Variants in CABP1 observed in about 807,000 individuals in gnomAD.
The protein encoded by CABP1 is calcium-binding protein 1.
CABP1 carries 17 observed loss-of-function variants against 34.3 expected under a neutral mutation model. The observed-to-expected ratio is 0.50, with a 90% CI of 0.34 to 0.74. The LOEUF is 0.74. CABP1 is among the 30% of genes least tolerant of loss of function. CABP1 has a pLI of 0.01. For missense variants in CABP1, 373 were observed against 511.1 expected (o/e 0.73, Z 2.61); for synonymous variants, 198 against 229.2 (o/e 0.86, Z 1.23).
At chr12:120,677,991 C>T in the CABP1 span, among the ~76,000 whole-genome samples, 1 of 152,208 alleles carries the variant, frequency 6.6e-6, no homozygotes, top group Non-Finnish European at 1.5e-5. Flanking sequence ...GTTCGAGTTG[C>T]ACCCTGGGGG....
chr12:120,641,353 C>G lies in CABP1; in HGVS notation c.654+14C>G. The G allele has an allele frequency of 7.9e-7, 1 of 1,267,696 alleles. No homozygotes were observed. The highest frequency in any genetic ancestry group is 9.9e-7 in the Non-Finnish European group (1 of 1,006,312). 78.5% of individuals were successfully genotyped at this position (1,267,696 alleles called of 1,614,324 possible). On this transcript the variant is annotated intron_variant, in intron 1 of 5. Coordinates refer to ENST00000316803, the MANE Select transcript of CABP1 (RefSeq NM_001033677.2). This position sits in a 1 kb window ranked among gnomAD's most constrained non-coding sequence, Gnocchi z 6.7. ...GCCTTTGGCCAGGTAAGGGCCGCGCCTCCCGTCAGCGCTCCCGGGAAAGGC... is the reference window on the plus strand; with the variant it reads ...GCCTTTGGCCAGGTAAGGGCCGCGCGTCCCGTCAGCGCTCCCGGGAAAGGC...
Position 120,640,891 on chromosome 12 carries a change from C to A in CABP1, c.206C>A (p.Thr69Lys). 9.2e-7 allele frequency: 1 copy of A among 1,092,314 alleles called. No homozygotes were observed. The allele number at this position is 1,092,314 out of a possible 1,614,324, so 67.7% of individuals were successfully genotyped here. ...SSHIAKSESK[T>K]SLLKAAAAAA... ...CACATCGCCAAAAGCGAGTCCAAGA[C>A]GTCGCTGCTGAAGGCGGCGGCGGCG... Residue 69 changes from threonine to lysine, a missense_variant, in exon 1 of 6, where the codon ACG becomes AAG. Thr to Lys is a moderately conservative substitution (Grantham distance 78). This residue lies in a region of CABP1 where 134 missense variants were observed against 145.4 expected (regional missense o/e 0.92). Coordinates refer to ENST00000316803, the MANE Select transcript of CABP1 (RefSeq NM_001033677.2). The surrounding 1 kb of genome is among the most constrained non-coding windows in gnomAD (Gnocchi z 6.2).
intron 1 of CABP1, among the ~76,000 whole-genome samples, chr12:120,657,296 G>A (rs895673570): frequency 2.0e-5 from 3 of 152,186 alleles, no homozygotes; most frequent in Non-Finnish European, 4.4e-5. Context: ...TGTTATAGAG[G>A]TAAACATTTG....
At chr12:120,677,616 A>C in the CABP1 span, among the ~76,000 whole-genome samples, 1 of 151,950 alleles carries the variant, frequency 6.6e-6, no homozygotes, top group East Asian at 1.9e-4. Context: ...GATGTTGCCC[A>C]GGCTAGTATT....
intron 1 of CABP1, chr12:120,650,830 A>C: frequency 1.3e-6 from 1 of 782,242 alleles, no homozygotes; most frequent in Non-Finnish European, 2.1e-6. Flanking sequence ...TCTACCCCAA[A>C]CACCCTCCTA....
chr12:120,641,504 C>G lies in CABP1; in HGVS notation c.654+165C>G, dbSNP rs1458271347. On this transcript the variant is annotated intron_variant, in intron 1 of 5. Coordinates refer to ENST00000316803, the MANE Select transcript of CABP1 (RefSeq NM_001033677.2). This position sits in a 1 kb window ranked among gnomAD's most constrained non-coding sequence, Gnocchi z 6.7. ...CGGCGCCCTTGCCGGCACTCCTCCT[C>G]CCCGTGCCTGATTCAGCACCCCGTG... 1.4e-6 allele frequency: 1 copy of G among 692,544 alleles called. No individual in the cohort carries two copies. The highest frequency in any genetic ancestry group is 2.0e-6 in the Non-Finnish European group (1 of 496,410). The allele number at this position is 692,544 out of a possible 1,614,324, so 42.9% of individuals were successfully genotyped here.
intron 1 of CABP1, among the ~76,000 whole-genome samples, chr12:120,642,044 C>A (rs1033275533): frequency 3.3e-5 from 5 of 152,108 alleles, no homozygotes; most frequent in Admixed American, 6.5e-5. Flanking sequence ...GAGTCCCAGG[C>A]ACCTGGGAGC....
rs1038946055 is a variant in CABP1 at position 120,641,844 on chromosome 12, A to T, written c.654+505A>T. On this transcript the variant is annotated intron_variant, in intron 1 of 5. Transcript: ENST00000316803. This position sits in a 1 kb window ranked among gnomAD's most constrained non-coding sequence, Gnocchi z 6.7. Reference sequence around the variant, plus strand: ...CTATCATGTCCCTGAAGGCCTGAGAAAAGTTAGGAGATCCAAAAATATGAG... The same window carrying T: ...CTATCATGTCCCTGAAGGCCTGAGATAAGTTAGGAGATCCAAAAATATGAG... Among the ~76,000 whole-genome samples the T allele has an allele frequency of 6.6e-6, 1 of 152,216 alleles. No homozygotes were observed. The highest frequency in any genetic ancestry group is 2.4e-5 in the African/African-American group (1 of 41,454).
chr12:120,672,255 C>T (rs999111866), downstream of CABP1, among the ~76,000 whole-genome samples: 1 of 152,152 alleles, frequency 6.6e-6, no homozygotes, highest in Non-Finnish European at 1.5e-5. Flanking sequence ...AGGAGGACAT[C>T]AGTTTTTGAC....
At chr12:120,668,509 A>G (rs1387901026), downstream of CABP1, among the ~76,000 whole-genome samples, 4 of 152,164 alleles carry the variant, frequency 2.6e-5, no homozygotes, top group African/African-American at 9.7e-5. Context: ...AGTGGGAGGA[A>G]GATGTGTAGC....
intron 1 of CABP1, among the ~76,000 whole-genome samples, chr12:120,653,821 C>A (rs779994172): frequency 2.6e-5 from 4 of 152,268 alleles, no homozygotes; most frequent in Non-Finnish European, 5.9e-5. Context: ...GCATGAGCCA[C>A]CACGCCCGGC....
chr12:120,654,974 AGGAAAAGGAGAACTGGT>A (rs904297654), intron 1 of CABP1, among the ~76,000 whole-genome samples: 12 of 152,256 alleles, frequency 7.9e-5, no homozygotes, highest in African/African-American at 2.9e-4. Context: ...GGCGGGAGGG[AGGAAAAGGAGAACTGGT>A]GGATGGCAGA....
the CABP1 span, among the ~76,000 whole-genome samples, chr12:120,673,910 G>C: frequency 6.6e-6 from 1 of 152,234 alleles, no homozygotes. Flanking sequence ...TGCCTGGTGT[G>C]GTGGCTCATG....
At position 120,661,410 on chromosome 12, in the gene CABP1, C is replaced by T; in HGVS notation, c.1087+192C>T. The T allele has an allele frequency of 1.7e-6, 1 of 587,666 alleles. No individual in the cohort carries two copies. Among genetic ancestry groups the T allele is most frequent in the Non-Finnish European group, 3.0e-6 (1 of 335,620 alleles). 36.4% of individuals were successfully genotyped at this position (587,666 alleles called of 1,614,324 possible). On this transcript the variant is annotated intron_variant, in intron 5 of 5. Coordinates refer to ENST00000316803, the MANE Select transcript of CABP1 (RefSeq NM_001033677.2). The surrounding 1 kb of genome is among the most constrained non-coding windows in gnomAD (Gnocchi z 5.1). ...TCCCTTCCCCATGCATCTATTCATGCATCTGTCCATCCATCTATCCATCCT... is the reference window on the plus strand; with the variant it reads ...TCCCTTCCCCATGCATCTATTCATGTATCTGTCCATCCATCTATCCATCCT...
chr12:120,661,294 C>T lies in CABP1; in HGVS notation c.1087+76C>T. ...TGGAGCCCTCCAATTGTGTATCCAT[C>T]ATGCAACCATCAATCCGCCCTAATT... On this transcript the variant is annotated intron_variant, in intron 5 of 5. Coordinates refer to ENST00000316803, the MANE Select transcript of CABP1 (RefSeq NM_001033677.2). The surrounding 1 kb of genome is among the most constrained non-coding windows in gnomAD (Gnocchi z 5.1). 6.6e-6 allele frequency: 10 copies of T among 1,514,118 alleles called. No homozygotes were observed. The highest frequency in any genetic ancestry group is 8.9e-6 in the Non-Finnish European group (10 of 1,125,002). 93.8% of individuals were successfully genotyped at this position (1,514,118 alleles called of 1,614,324 possible). A position where few individuals can be genotyped will look rare whatever the true frequency, so the allele number is the denominator to read the frequency against.
chr12:120,668,565 G>A (rs1307398964), downstream of CABP1, among the ~76,000 whole-genome samples: 4 of 152,204 alleles, frequency 2.6e-5, no homozygotes, highest in Non-Finnish European at 5.9e-5. Flanking sequence ...GGCCAGTCGC[G>A]TCCCCTTTCT....
At position 120,666,985 on chromosome 12, in the gene CABP1, C is replaced by A; in HGVS notation, c.*85C>A. ...AGCTTGCCTCACCCGCTGTAGCCGC[C>A]GAGAGCCCAGGATGTACTGGCGGAT... On this transcript the variant is annotated 3_prime_UTR_variant, in exon 6 of 6. Transcript: ENST00000316803. 1.3e-6 allele frequency: 2 copies of A among 1,507,342 alleles called. No homozygotes were observed. Among genetic ancestry groups the A allele is most frequent in the Non-Finnish European group, 1.8e-6 (2 of 1,117,402 alleles). The allele number at this position is 1,507,342 out of a possible 1,614,324, so 93.4% of individuals were successfully genotyped here. A position where few individuals can be genotyped will look rare whatever the true frequency, so the allele number is the denominator to read the frequency against.
At chr12:120,648,406 G>A (rs1016264074) in intron 1 of CABP1, among the ~76,000 whole-genome samples, 13 of 152,154 alleles carry the variant, frequency 8.5e-5, no homozygotes, top group African/African-American at 2.2e-4. Context: ...AGCCAAGCAC[G>A]GTGCCTGACA....
the CABP1 span, among the ~76,000 whole-genome samples, chr12:120,675,195 G>A: frequency 6.6e-6 from 1 of 152,036 alleles, no homozygotes; most frequent in African/African-American, 2.4e-5. Flanking sequence ...TGGGATTACA[G>A]GTGTGCACCG....
Sources: gnomAD v4.1 joint callset for allele counts (sites outside exome capture counted in the v4.1 genomes callset) on GRCh38, gnomAD v4.1.1 for gene constraint, gnomAD v4.1.1 regional missense constraint, Gnocchi (gnomAD v3.1) non-coding constraint, MANE v1.5 for transcripts, NCBI Gene and HGNC (gene_info 2026-07-23, HGNC 2026-07-21) for gene names.